The following ABCE1 variants were observed in gnomAD, a reference collection of about 807,000 sequenced individuals.
ABCE1 encodes ATP binding cassette subfamily E member 1, also known as ATP-binding cassette sub-family E member 1.
In ABCE1, 22 loss-of-function variants were observed where a neutral mutation model predicts 83.4. That is an observed-to-expected ratio of 0.26 (90% confidence interval 0.19 to 0.38). The LOEUF (loss-of-function observed/expected upper bound fraction) is 0.38. ABCE1 is among the 10% of genes least tolerant of loss of function. The pLI, the probability that ABCE1 is intolerant of heterozygous loss-of-function variation, is 1.00. For missense variants in ABCE1, 330 were observed against 721.9 expected (o/e 0.46, Z 6.22); for synonymous variants, 204 against 233.7 (o/e 0.87, Z 1.16).
intron 2 of ABCE1, among the ~76,000 whole-genome samples, chr4:145,105,328 G>A (rs1413871128): frequency 6.6e-6 from 1 of 151,906 alleles, no homozygotes; most frequent in Non-Finnish European, 1.5e-5. Flanking sequence ...ACTTTTACTA[G>A]CATATTTTCT....
At chr4:145,098,894 T>G (rs1375175241) in intron 1 of ABCE1, among the ~76,000 whole-genome samples, 2 of 152,246 alleles carry the variant, frequency 1.3e-5, no homozygotes, top group Non-Finnish European at 2.9e-5. Context: ...CATGGCATCT[T>G]GCCGCCATGA....
intron 13 of ABCE1, chr4:145,121,963 G>A (rs1749759243): frequency 6.6e-6 from 1 of 152,288 alleles, no homozygotes; most frequent in African/African-American, 2.4e-5. Flanking sequence ...ATTGACAACA[G>A]CAAGAAGGTG....
intron 17 of ABCE1, among the ~76,000 whole-genome samples, chr4:145,125,625 CTTTAAGTT>C (rs1238010382): frequency 6.6e-6 from 1 of 152,174 alleles, no homozygotes; most frequent in Non-Finnish European, 1.5e-5. Flanking sequence ...CCTGTTTTCT[CTTTAAGTT>C]GTATCACAGT....
At chr4:145,110,927 G>A in intron 7 of ABCE1, 41 bp from the exon 8 acceptor site, 1 of 1,358,516 alleles carries the variant, frequency 7.4e-7, no homozygotes, top group Non-Finnish European at 1.0e-6. Flanking sequence ...ACCTGGAAGA[G>A]GTGAAATACA....
chr4:145,119,458 C>A (rs568921467), intron 10 of ABCE1, among the ~76,000 whole-genome samples: 1 of 151,786 alleles, frequency 6.6e-6, no homozygotes, highest in Admixed American at 6.6e-5. Context: ...TTCATATGAA[C>A]CTGCAGGATT....
At chr4:145,127,228 A>G (rs1471603871) in intron 17 of ABCE1, among the ~76,000 whole-genome samples, 1 of 152,234 alleles carries the variant, frequency 6.6e-6, no homozygotes, top group African/African-American at 2.4e-5. Flanking sequence ...ATGGAATTTA[A>G]TAGTTTTCCT....
Position 145,112,321 on chromosome 4 carries a change from C to T in ABCE1, c.793C>T (p.Pro265Ser). Residue 265 changes from proline to serine, a missense_variant, in exon 9 of 18, where the codon CCA (proline) becomes TCA (serine). By Grantham distance (74) the Pro-to-Ser change is moderately conservative. Coordinates refer to ENST00000296577, the MANE Select transcript of ABCE1 (RefSeq NM_002940.3). Reference sequence around the variant, plus strand: ...TATTACTATACGATCTCTAATAAATCCAGATAGGTAAGTAGAGATCTGGCA... The same window carrying T: ...TATTACTATACGATCTCTAATAAATTCAGATAGGTAAGTAGAGATCTGGCA... ...AAITIRSLINPDRYIIVVEHD... is the reference protein window; with the variant it reads ...AAITIRSLINSDRYIIVVEHD... The T allele has an allele frequency of 6.4e-7, 1 of 1,553,240 alleles. No individual in the cohort carries two copies. The highest frequency in any genetic ancestry group is 8.7e-7 in the Non-Finnish European group (1 of 1,144,872).
chr4:145,110,060 A>T (rs764877677), intron 5 of ABCE1, 43 bp from the exon 6 acceptor site: 33 of 1,464,020 alleles, frequency 2.3e-5, no homozygotes, highest in Non-Finnish European at 2.9e-5. Context: ...TTGTCATTGT[A>T]TTATTAAATT....
chr4:145,107,908 G>C, intron 3 of ABCE1, 107 bp from the exon 4 acceptor site: 1 of 835,138 alleles, frequency 1.2e-6, no homozygotes, highest in Non-Finnish European at 1.8e-6. Flanking sequence ...ACATCTTTAT[G>C]AAATCATGTT....
intron 1 of ABCE1, among the ~76,000 whole-genome samples, chr4:145,101,086 A>G (rs1293109356): frequency 2.0e-5 from 3 of 152,088 alleles, no homozygotes; most frequent in Non-Finnish European, 4.4e-5. Context: ...ATATATATGG[A>G]ATATATAGTA....
chr4:145,128,558 T>TGTGA lies in ABCE1; in HGVS notation c.*988_*991dup, dbSNP rs1289105813. ...TCCCCTGGTACCACATATATTCATT[T>TGTGA]GTGAGTTTGGATATAGAGCACATTA... On this transcript the variant is annotated 3_prime_UTR_variant, in exon 18 of 18. Coordinates refer to ENST00000296577, the MANE Select transcript of ABCE1 (RefSeq NM_002940.3). 6.6e-6 allele frequency: 1 copy of TGTGA among 152,168 alleles called. No individual in the cohort carries two copies. The highest frequency in any genetic ancestry group is 1.5e-5 in the Non-Finnish European group (1 of 68,018). The allele number at this position is 152,168 out of a possible 1,614,324, so 9.4% of individuals were successfully genotyped here. A position where few individuals can be genotyped will look rare whatever the true frequency, so the allele number is the denominator to read the frequency against.
At chr4:145,099,802 G>A (rs541835104) in intron 1 of ABCE1, among the ~76,000 whole-genome samples, 1 of 152,094 alleles carries the variant, frequency 6.6e-6, no homozygotes, top group Non-Finnish European at 1.5e-5. Flanking sequence ...CAATTATTTT[G>A]GCTTTAGACT....
chr4:145,108,190 A>T lies in ABCE1; in HGVS notation c.287+78A>T, dbSNP rs530831335. ...TTGGGATTTTAAGAGAAGTGCAGAA[A>T]TTGGGGGGAAATGCTATTAACCAGT... On this transcript the variant is annotated intron_variant, in intron 4 of 17. Transcript: ENST00000296577. 10 of 1,295,494 alleles carry T rather than the reference A, an allele frequency of 7.7e-6. No individual in the cohort carries two copies. In the East Asian group the frequency reaches 1.4e-4, roughly 18 times the overall value. 80.2% of individuals were successfully genotyped at this position (1,295,494 alleles called of 1,614,324 possible). A position where few individuals can be genotyped will look rare whatever the true frequency, so the allele number is the denominator to read the frequency against.
Position 145,122,956 on chromosome 4 carries a change from T to TTATG in ABCE1, c.1264-64_1264-63insATGT, listed in dbSNP as rs1272305484. 4.4e-6 allele frequency: 5 copies of TTATG among 1,145,604 alleles called. No homozygotes were observed. In the African/African-American group the frequency reaches 6.4e-5, roughly 15 times the overall value. 71.0% of individuals were successfully genotyped at this position (1,145,604 alleles called of 1,614,324 possible). On this transcript the variant is annotated intron_variant, in intron 13 of 17. Transcript: ENST00000296577. ...ATTCTGAAGCTTAACTTTGTCAAGA[T>TTATG]TCATAAATAGAAGAGTTCTATAGTG...
At chr4:145,113,953 ACATATAT>A (rs1251915784) in intron 9 of ABCE1, among the ~76,000 whole-genome samples, 1 of 152,202 alleles carries the variant, frequency 6.6e-6, no homozygotes, top group Non-Finnish European at 1.5e-5. Context: ...GAAACTATTT[ACATATAT>A]CTTAATAGTC....
At chr4:145,120,499 T>G (rs567542587) in intron 11 of ABCE1, among the ~76,000 whole-genome samples, 1 of 152,242 alleles carries the variant, frequency 6.6e-6, no homozygotes, top group South Asian at 2.1e-4. Context: ...TAATCCAGCT[T>G]TAAAAATTTT....
At chr4:145,106,369 A>G (rs1234567671) in intron 3 of ABCE1, among the ~76,000 whole-genome samples, 2 of 152,164 alleles carry the variant, frequency 1.3e-5, no homozygotes, top group East Asian at 3.9e-4. Flanking sequence ...TTGTTTAAGT[A>G]TCCGGAAAGA....
rs867605351 is a variant in ABCE1 at position 145,118,544 on chromosome 4, A to G, written c.922+1130A>G. 4.6e-5 allele frequency among the ~76,000 whole-genome samples: 7 copies of G among 151,810 alleles called. 1 individual carries two copies. Among genetic ancestry groups the G allele is most frequent in the East Asian group, 1.9e-4 (1 of 5,184 alleles). On this transcript the variant is annotated intron_variant, in intron 10 of 17. Coordinates refer to ENST00000296577, the MANE Select transcript of ABCE1 (RefSeq NM_002940.3). ...ATTTATTAATGTTTTATTCTTGTCA[A>G]TTAACAAATATGTATTGAGTACCTT...
At chr4:145,111,829 C>G (rs1381086485) in intron 8 of ABCE1, among the ~76,000 whole-genome samples, 1 of 152,148 alleles carries the variant, frequency 6.6e-6, no homozygotes, top group Non-Finnish European at 1.5e-5. Flanking sequence ...ACATTTCTGC[C>G]CTGTTGTCCG....
Sources: gnomAD v4.1 joint callset for allele counts (sites outside exome capture counted in the v4.1 genomes callset) on GRCh38, gnomAD v4.1.1 for gene constraint, MANE v1.5 for transcripts, NCBI Gene and HGNC (gene_info 2026-07-23, HGNC 2026-07-21) for gene names.